Variants in CLINT1 observed in about 807,000 individuals in gnomAD.
The protein encoded by CLINT1 is clathrin interactor 1, also known as clathrin interacting protein localized in the trans-Golgi region.
In CLINT1, 15 loss-of-function variants were observed where a neutral mutation model predicts 70.4. That is an observed-to-expected ratio of 0.21 (90% CI 0.14 to 0.33). CLINT1 has a LOEUF of 0.33. Among genes scored for constraint, CLINT1 ranks in the 10% least tolerant of loss-of-function variants. The probability of loss-of-function intolerance (pLI) is 1.00; values close to 1 mark genes in which losing one functional copy is unlikely to be tolerated. For synonymous variants in CLINT1, 227 were observed against 254.7 expected (o/e 0.89, Z 1.04); for missense variants, 615 against 778.1 (o/e 0.79, Z 2.49).
chr5:157,799,082 T>C (rs1428970526), intron 8 of CLINT1, among the ~76,000 whole-genome samples: 1 of 152,134 alleles, frequency 6.6e-6, no homozygotes, highest in African/African-American at 2.4e-5. Flanking sequence ...ATAACTACAT[T>C]AATGGAATAT....
At position 157,794,953 on chromosome 5, in the gene CLINT1, G is replaced by A. The variant is rs750746961; in HGVS notation, c.1032C>T (p.Phe344=). 9 of 1,554,202 alleles carry A rather than the reference G, an allele frequency of 5.8e-6. No individual in the cohort carries two copies. The highest frequency in any genetic ancestry group is 4.8e-5 in the East Asian group (2 of 41,246). ...SQSTGGSADL[F]GGFADFGSAA... ...CTGAGCCAAAGTCAGCAAATCCTCC[G>A]AATAAATCAGCTGATCCTCCTAGAA... is the stretch of plus-strand genomic sequence containing the variant. The change falls in exon 9 of 12, where the codon TTC becomes TTT. Residue 344 remains phenylalanine (F), a synonymous_variant. Transcript: ENST00000411809.
Position 157,855,610 on chromosome 5 carries a change from G to A in CLINT1, c.41+3320C>T, listed in dbSNP as rs1479023693. Among the ~76,000 whole-genome samples the A allele has an allele frequency of 2.0e-5, 3 of 152,266 alleles. No individual in the cohort carries two copies. The East Asian group carries it at 5.8e-4, about 29-fold the overall frequency. On this transcript the variant is annotated intron_variant, in intron 1 of 11. Coordinates refer to ENST00000411809, the MANE Select transcript of CLINT1 (RefSeq NM_014666.4). Reference sequence around the variant, plus strand: ...CTCTACTGCCACCAGGAGGTGCAGCGATTGTGGAAAATATACCCCCACTTC... The same window carrying A: ...CTCTACTGCCACCAGGAGGTGCAGCAATTGTGGAAAATATACCCCCACTTC...
At chr5:157,820,291 A>G (rs1012045793) in intron 1 of CLINT1, among the ~76,000 whole-genome samples, 2 of 152,150 alleles carry the variant, frequency 1.3e-5, no homozygotes, top group Non-Finnish European at 2.9e-5. Context: ...ACTACAAAAA[A>G]TACAAAAATT....
At chr5:157,809,497 T>TAAAAAAAA (rs60217753) in intron 6 of CLINT1, 131 bp downstream of exon 6, 1 of 476,366 alleles carries the variant, frequency 2.1e-6, no homozygotes. Flanking sequence ...TGAAGTCTAT[T>TAAAAAAAA]AAAAAAAAAA....
intron 7 of CLINT1, among the ~76,000 whole-genome samples, chr5:157,804,674 C>T (rs147549245): frequency 1.1e-4 from 16 of 152,050 alleles, no homozygotes; most frequent in African/African-American, 3.9e-4. Flanking sequence ...CCTGTAATCC[C>T]AACACTTTGG....
intron 5 of CLINT1, 78 bp from the exon 6 acceptor site, chr5:157,809,883 G>C: frequency 7.4e-7 from 1 of 1,345,850 alleles, no homozygotes; most frequent in Non-Finnish European, 1.0e-6. Flanking sequence ...TATTTCTCAG[G>C]CTTTTCCTCA....
chr5:157,851,138 GCAAACAAA>G (rs111792257), intron 1 of CLINT1, among the ~76,000 whole-genome samples: 9 of 151,654 alleles, frequency 5.9e-5, no homozygotes, highest in South Asian at 2.1e-4. Context: ...AAAACAAATG[GCAAACAAA>G]CAAACAAACA....
intron 3 of CLINT1, among the ~76,000 whole-genome samples, chr5:157,815,684 G>A (rs146042868): frequency 2.0e-3 from 306 of 152,252 alleles, no homozygotes; most frequent in African/African-American, 7.0e-3. Flanking sequence ...AGGCAATTTC[G>A]TCATTGTATT....
At chr5:157,801,850 G>A (rs1376751722) in intron 8 of CLINT1, among the ~76,000 whole-genome samples, 4 of 151,942 alleles carry the variant, frequency 2.6e-5, no homozygotes, top group African/African-American at 9.7e-5. Context: ...TAAACTATCA[G>A]TGAAAAGTAA....
intron 8 of CLINT1, among the ~76,000 whole-genome samples, chr5:157,800,585 G>A (rs183440195): frequency 4.6e-4 from 70 of 151,970 alleles, no homozygotes; most frequent in Non-Finnish European, 7.8e-4. Flanking sequence ...TTAAACATAC[G>A]GTTTCAAATA....
intron 9 of CLINT1, among the ~76,000 whole-genome samples, chr5:157,792,605 C>T (rs1046833659): frequency 2.0e-5 from 3 of 152,106 alleles, no homozygotes; most frequent in Non-Finnish European, 4.4e-5. Context: ...AATACAAGGG[C>T]TATAACCTTA....
chr5:157,849,775 T>C (rs912559373), intron 1 of CLINT1, among the ~76,000 whole-genome samples: 3 of 152,224 alleles, frequency 2.0e-5, no homozygotes, highest in Non-Finnish European at 2.9e-5. Flanking sequence ...TCAATAACTA[T>C]TAGCTTTTAT....
rs1207811433 is a variant in CLINT1 at position 157,853,588 on chromosome 5, C to A, written c.41+5342G>T. Among the ~76,000 whole-genome samples, 7 of 151,482 alleles carry A rather than the reference C, an allele frequency of 4.6e-5. 1 individual carries two copies. In the East Asian group the frequency reaches 9.8e-4, roughly 21 times the overall value. On this transcript the variant is annotated intron_variant, in intron 1 of 11. Transcript: ENST00000411809. Reference sequence around the variant, plus strand: ...GGTCAAGAGTTCAAGACCAGCCTGGCCAACATGACGAAATCTCGTCTCTAC... The same window carrying A: ...GGTCAAGAGTTCAAGACCAGCCTGGACAACATGACGAAATCTCGTCTCTAC...
chr5:157,797,647 A>C (rs1018424398), intron 8 of CLINT1, among the ~76,000 whole-genome samples: 4 of 152,072 alleles, frequency 2.6e-5, no homozygotes, highest in African/African-American at 7.2e-5. Context: ...CAGCCTCCCA[A>C]AGTGCTGGGA....
intron 1 of CLINT1, among the ~76,000 whole-genome samples, chr5:157,848,955 C>G (rs752872462): frequency 2.0e-5 from 3 of 152,144 alleles, no homozygotes; most frequent in Non-Finnish European, 2.9e-5. Flanking sequence ...AGCTATTGTG[C>G]CTGGCCGAAT....
chr5:157,849,106 A>G (rs1357515065), intron 1 of CLINT1, among the ~76,000 whole-genome samples: 1 of 152,220 alleles, frequency 6.6e-6, no homozygotes, highest in Non-Finnish European at 1.5e-5. Flanking sequence ...CCTGACTCCA[A>G]TTATAAAAGA....
intron 1 of CLINT1, among the ~76,000 whole-genome samples, chr5:157,846,847 T>C (rs896419993): frequency 1.3e-5 from 2 of 152,168 alleles, no homozygotes; most frequent in African/African-American, 2.4e-5. Context: ...GCTATAGAAA[T>C]AGAACAACAA....
In CLINT1 at chr5:157,848,811, G is replaced by A. The variant is rs183890818; in HGVS notation, c.41+10119C>T. ...TGAGTAGCAGGGATCACAGGCGCCC[G>A]CCACCACGCCCAGCTAATTTTTGTA... is the stretch of plus-strand genomic sequence containing the variant. On this transcript the variant is annotated intron_variant, in intron 1 of 11. Coordinates refer to ENST00000411809, the MANE Select transcript of CLINT1 (RefSeq NM_014666.4). Among the ~76,000 whole-genome samples the A allele has an allele frequency of 2.6e-4, 40 of 152,256 alleles. No homozygotes were observed. In the East Asian group the frequency reaches 4.1e-3, roughly 15 times the overall value.
Position 157,807,411 on chromosome 5 carries a change from T to C in CLINT1, c.696-1299A>G, listed in dbSNP as rs145695060. Among the ~76,000 whole-genome samples, 28 of 152,254 alleles carry C rather than the reference T, an allele frequency of 1.8e-4. No homozygotes were observed. In the East Asian group the frequency reaches 4.2e-3, roughly 23 times the overall value. On this transcript the variant is annotated intron_variant, in intron 6 of 11. Transcript: ENST00000411809. ...TTTTATTTCAGCGCAAAATAATTTATTCACAAGTTGAAAATATAAATCTGA... is the reference window on the plus strand; with the variant it reads ...TTTTATTTCAGCGCAAAATAATTTACTCACAAGTTGAAAATATAAATCTGA...
Sources: allele counts gnomAD v4.1 joint callset (sites outside exome capture counted in the v4.1 genomes callset), GRCh38; gene constraint gnomAD v4.1.1; transcripts MANE v1.5; gene names NCBI Gene and HGNC (gene_info 2026-07-23, HGNC 2026-07-21).